LEMD3: variants seen among roughly 807,000 people sequenced by gnomAD.
The protein encoded by LEMD3 is inner nuclear membrane protein Man1.
LEMD3 carries 33 observed loss-of-function variants against 95.2 expected under a neutral mutation model. The ratio of observed to expected loss-of-function variants is 0.35; its 90% CI spans 0.26 to 0.46. The LOEUF is 0.46. Ranked by LOEUF, LEMD3 falls within the 20% of genes least tolerant of loss-of-function variation. The pLI is 1.00. For synonymous variants in LEMD3, 525 were observed against 474.6 expected (o/e 1.11, Z -1.38); for missense variants, 1,210 against 1,192.8 (o/e 1.01, Z -0.21).
At chr12:65,192,961 G>A (rs899404325) in intron 1 of LEMD3, among the ~76,000 whole-genome samples, 1 of 152,166 alleles carries the variant, frequency 6.6e-6, no homozygotes, top group African/African-American at 2.4e-5. Flanking sequence ...TACAGCATGT[G>A]CATGTTAGGT....
At position 65,246,232 on chromosome 12, in the gene LEMD3, C is replaced by T. The variant is rs1033868440; in HGVS notation, c.2643C>T (p.Ser881=). Residue 881 remains serine (S), a synonymous_variant, in exon 13 of 13, where the codon TCC becomes TCT. Transcript: ENST00000308330. ...ATCGCTTTCCCCAGGCTCTCACTTC[C>T]AACACTCCATTGAAGCCATCAAATA... ...YHHRFPQALT[S]NTPLKPSNKH... 1.2e-6 allele frequency: 2 copies of T among 1,612,864 alleles called. No individual in the cohort carries two copies.
At chr12:65,173,607 G>A (rs1247358093) in intron 1 of LEMD3, among the ~76,000 whole-genome samples, 1 of 152,160 alleles carries the variant, frequency 6.6e-6, no homozygotes, top group Non-Finnish European at 1.5e-5. Context: ...AGGTGAGACA[G>A]TGTGTTAAAC....
intron 4 of LEMD3, among the ~76,000 whole-genome samples, chr12:65,221,812 C>T (rs1187358136): frequency 1.3e-5 from 2 of 148,734 alleles, no homozygotes; most frequent in East Asian, 2.0e-4. Context: ...GTGATCTCTG[C>T]TCAATACAAC....
At chr12:65,212,722 A>T (rs907188705) in intron 2 of LEMD3, among the ~76,000 whole-genome samples, 7 of 152,176 alleles carry the variant, frequency 4.6e-5, no homozygotes, top group African/African-American at 1.7e-4. Flanking sequence ...AATTCAAATT[A>T]CAAAATTGCC....
intron 1 of LEMD3, among the ~76,000 whole-genome samples, chr12:65,186,550 A>G (rs1303845441): frequency 6.7e-6 from 1 of 150,088 alleles, no homozygotes; most frequent in African/African-American, 2.4e-5. Context: ...TCTTTTCCTG[A>G]GTTTTGTTTT....
intron 1 of LEMD3, among the ~76,000 whole-genome samples, chr12:65,194,920 A>T (rs530815061): frequency 7.3e-5 from 11 of 150,096 alleles, no homozygotes; most frequent in Admixed American, 5.3e-4. Context: ...AAATTATTAT[A>T]ATCTAAATTA....
At position 65,170,125 on chromosome 12, in the gene LEMD3, C is replaced by A; in HGVS notation, c.529C>A (p.Leu177Met). ...YRGLKAPPAP[L>M]AASEVTNSNS... ...CGGGCTCAAAGCGCCGCCGGCGCCC[C>A]TGGCCGCCAGCGAGGTGACTAACAG... is the stretch of plus-strand genomic sequence containing the variant. The change falls in exon 1 of 13, where the codon CTG becomes ATG. Residue 177 changes from leucine (L) to methionine (M), a missense_variant. Leu to Met is a conservative substitution (Grantham distance 15, BLOSUM62 2). This residue lies in a region of LEMD3 where 749 missense variants were observed against 622.9 expected (regional missense o/e 1.20). Coordinates refer to ENST00000308330, the MANE Select transcript of LEMD3 (RefSeq NM_014319.5). 1 of 1,461,304 alleles carries A rather than the reference C, an allele frequency of 6.8e-7. No individual in the cohort carries two copies. Among genetic ancestry groups the A allele is most frequent in the East Asian group, 2.4e-5 (1 of 40,982 alleles). 90.5% of individuals were successfully genotyped at this position (1,461,304 alleles called of 1,614,324 possible).
intron 4 of LEMD3, among the ~76,000 whole-genome samples, chr12:65,220,887 G>C (rs1870265566): frequency 6.6e-6 from 1 of 152,082 alleles, no homozygotes; most frequent in Non-Finnish European, 1.5e-5. Context: ...TACATCAGTG[G>C]CTTTATTTCT....
At chr12:65,189,733 T>G (rs1479984515) in intron 1 of LEMD3, among the ~76,000 whole-genome samples, 1 of 152,210 alleles carries the variant, frequency 6.6e-6, no homozygotes, top group Non-Finnish European at 1.5e-5. Flanking sequence ...TAAACTTGGC[T>G]TGATAGTTCA....
At position 65,246,185 on chromosome 12, in the gene LEMD3, T is replaced by A. The variant is rs780993841; in HGVS notation, c.2596T>A (p.Leu866Ile). ...FDGKLVTVKYLRLDRYHHRFP... is the reference protein window; with the variant it reads ...FDGKLVTVKYIRLDRYHHRFP... ...AGGGAAATTGGTTACAGTAAAATATTTACGACTAGATAGATACCACCATCG... is the reference window on the plus strand; with the variant it reads ...AGGGAAATTGGTTACAGTAAAATATATACGACTAGATAGATACCACCATCG... The change falls in exon 13 of 13, where the codon TTA (leucine) becomes ATA (isoleucine). Residue 866 changes from leucine to isoleucine, a missense_variant. Transcript: ENST00000308330. The A allele has an allele frequency of 1.1e-5, 18 of 1,611,636 alleles. No homozygotes were observed. Among genetic ancestry groups the A allele is most frequent in the Admixed American group, 3.3e-5 (2 of 59,976 alleles).
In LEMD3 at chr12:65,189,521, A is replaced by G. The variant is rs150895483; in HGVS notation, c.1522+18403A>G. On this transcript the variant is annotated intron_variant, in intron 1 of 12. Coordinates refer to ENST00000308330, the MANE Select transcript of LEMD3 (RefSeq NM_014319.5). ...TCATCAGCAGGGATGAGTGTTGCCC[A>G]GTACCCGCCTGTAGGGCGTCAGAAA... 2.1e-3 allele frequency among the ~76,000 whole-genome samples: 324 copies of G among 152,318 alleles called. 1 individual carries two copies. Among genetic ancestry groups the G allele is most frequent in the African/African-American group, 7.5e-3 (312 of 41,574 alleles).
At chr12:65,233,704 TTTC>T (rs1193643963) in intron 4 of LEMD3, among the ~76,000 whole-genome samples, 1 of 152,202 alleles carries the variant, frequency 6.6e-6, no homozygotes. Flanking sequence ...CCTTGCTTGA[TTTC>T]TCCCTATACC....
rs1871092854 is a variant in LEMD3, at chr12:65,245,942, A to G, written c.2572+3A>G. 22 of 1,601,274 alleles carry G rather than the reference A, an allele frequency of 1.4e-5. No homozygotes were observed. The highest frequency in any genetic ancestry group is 1.9e-5 in the Non-Finnish European group (22 of 1,169,416). On this transcript the variant is annotated splice_donor_region_variant and intron_variant, in intron 12 of 12. Transcript: ENST00000308330. The stretch of plus-strand genomic sequence containing the variant: ...ATTGCATGGCTCTTGGTTTGATGGT[A>G]AGAAATTTGAGTACTACAAACATTT...
intron 1 of LEMD3, among the ~76,000 whole-genome samples, chr12:65,201,464 A>G (rs1869597673): frequency 6.6e-6 from 1 of 152,110 alleles, no homozygotes; most frequent in African/African-American, 2.4e-5. Context: ...GTTCTTTTTG[A>G]TATCTTTGAT....
At chr12:65,181,902 T>TG (rs961388969) in intron 1 of LEMD3, among the ~76,000 whole-genome samples, 2 of 152,078 alleles carry the variant, frequency 1.3e-5, no homozygotes, top group African/African-American at 2.4e-5. Flanking sequence ...TGTTTTGTTT[T>TG]TTTTTTTTAA....
At chr12:65,200,052 C>CA (rs1386947052) in intron 1 of LEMD3, among the ~76,000 whole-genome samples, 1 of 151,610 alleles carries the variant, frequency 6.6e-6, no homozygotes, top group East Asian at 2.0e-4. Flanking sequence ...CCTGCACCCC[C>CA]AACCCCTCTG....
At chr12:65,184,330 T>C (rs1868994760) in intron 1 of LEMD3, among the ~76,000 whole-genome samples, 1 of 152,178 alleles carries the variant, frequency 6.6e-6, no homozygotes, top group Admixed American at 6.6e-5. Context: ...TTGTTTGAAC[T>C]TGGAGCATGT....
chr12:65,218,718 T>C, intron 4 of LEMD3, 99 bp downstream of exon 4: 1 of 736,020 alleles, frequency 1.4e-6, no homozygotes, highest in Non-Finnish European at 2.3e-6. Context: ...TTAATTGTAC[T>C]GTTAAAAGCT....
rs776870950 is a variant in LEMD3, at chr12:65,169,917, G to C, written c.321G>C (p.Leu107=). ...DLSYLRTPGG[L]CRISASGPES... is the part of the protein sequence containing the mutation. ...CCTACTTACGGACTCCTGGGGGCCTGTGCCGAATCTCGGCCTCTGGCCCAG... is the reference window on the plus strand; with the variant it reads ...CCTACTTACGGACTCCTGGGGGCCTCTGCCGAATCTCGGCCTCTGGCCCAG... Residue 107 remains leucine, a synonymous_variant, in exon 1 of 13, where the codon CTG becomes CTC. Transcript: ENST00000308330. 2.8e-6 allele frequency: 4 copies of C among 1,449,376 alleles called. No homozygotes were observed. In the African/African-American group the frequency reaches 4.4e-5, roughly 16 times the overall value. 89.8% of individuals were successfully genotyped at this position (1,449,376 alleles called of 1,614,324 possible).
Sources: gnomAD v4.1 joint callset for allele counts (sites outside exome capture counted in the v4.1 genomes callset) on GRCh38, gnomAD v4.1.1 for gene constraint, gnomAD v4.1.1 regional missense constraint, MANE v1.5 for transcripts, NCBI Gene and HGNC (gene_info 2026-07-23, HGNC 2026-07-21) for gene names.